WWOX: variants seen among roughly 807,000 people sequenced by gnomAD.
The protein encoded by WWOX is WW domain-containing oxidoreductase.
In WWOX, 69 loss-of-function variants were observed where a neutral mutation model predicts 46.2. The ratio of observed to expected loss-of-function variants is 1.49; its 90% CI spans 1.23 to 1.82. The LOEUF is 1.82. Ranked by LOEUF, WWOX falls within the 40% of genes most tolerant of loss-of-function variation. The pLI is 0.00. For missense variants in WWOX, 919 were observed against 542.6 expected, an observed-to-expected ratio of 1.69 and a Z score of -6.89; for synonymous variants, 359 against 202.6, an observed-to-expected ratio of 1.77 and a Z score of -6.56.
chr16:78,637,853 C>T (rs1160241637), intron 8 of WWOX, among the ~76,000 whole-genome samples: 2 of 152,120 alleles, frequency 1.3e-5, no homozygotes, highest in Non-Finnish European at 2.9e-5. Context: ...CACTTTCCAG[C>T]CTTTGGGAAC....
At chr16:78,975,403 C>G (rs1289261705) in intron 8 of WWOX, among the ~76,000 whole-genome samples, 1 of 151,714 alleles carries the variant, frequency 6.6e-6, no homozygotes, top group African/African-American at 2.4e-5. Context: ...CTTACGTGGT[C>G]CTGGATGAAA....
At chr16:78,679,450 C>G (rs2063680007) in intron 8 of WWOX, among the ~76,000 whole-genome samples, 1 of 152,146 alleles carries the variant, frequency 6.6e-6, no homozygotes, top group Admixed American at 6.5e-5. Context: ...ACTTGTGAGG[C>G]TGAGGCAGGA....
chr16:79,088,431 G>C (rs1017427073), intron 8 of WWOX, among the ~76,000 whole-genome samples: 2 of 152,210 alleles, frequency 1.3e-5, no homozygotes, highest in African/African-American at 4.8e-5. Context: ...GTCTGGCCCT[G>C]AGCCGTGGGC....
intron 6 of WWOX, among the ~76,000 whole-genome samples, chr16:78,410,664 G>C (rs1407143765): frequency 1.3e-5 from 2 of 151,824 alleles, no homozygotes; most frequent in Admixed American, 1.3e-4. Flanking sequence ...AAATTAGTTG[G>C]GCATGGTGGC....
In WWOX at chr16:79,020,408, C is replaced by T. The variant is rs76109049; in HGVS notation, c.1057-191200C>T. On this transcript the variant is annotated intron_variant, in intron 8 of 8. Coordinates refer to ENST00000566780, the MANE Select transcript of WWOX (RefSeq NM_016373.4). ...GCTATAATAGCTGTATCACCATGAGCGATAACTTAACCTCTTTGTGGCTCA... is the reference window on the plus strand; with the variant it reads ...GCTATAATAGCTGTATCACCATGAGTGATAACTTAACCTCTTTGTGGCTCA... 6.0e-3 allele frequency among the ~76,000 whole-genome samples: 915 copies of T among 152,156 alleles called. 3 individuals carry two copies. The highest frequency in any genetic ancestry group is 0.019 in the African/African-American group (799 of 41,508).
intron 5 of WWOX, among the ~76,000 whole-genome samples, chr16:78,284,095 G>T (rs779882601): frequency 6.6e-6 from 1 of 152,214 alleles, no homozygotes; most frequent in Non-Finnish European, 1.5e-5. Context: ...ACCATTGCGT[G>T]TAGGAGGGGT....
At chr16:79,053,562 A>C (rs983832466) in intron 8 of WWOX, among the ~76,000 whole-genome samples, 4 of 152,198 alleles carry the variant, frequency 2.6e-5, no homozygotes, top group Non-Finnish European at 5.9e-5. Flanking sequence ...TAATCTTTTT[A>C]ATATTAGAAT....
At chr16:78,793,531 G>C (rs960899393) in intron 8 of WWOX, among the ~76,000 whole-genome samples, 1 of 152,114 alleles carries the variant, frequency 6.6e-6, no homozygotes, top group Non-Finnish European at 1.5e-5. Context: ...CAGGTCATTA[G>C]CTCATAATGA....
chr16:78,917,886 T>C (rs530793658), intron 8 of WWOX, among the ~76,000 whole-genome samples: 1 of 152,236 alleles, frequency 6.6e-6, no homozygotes, highest in East Asian at 1.9e-4. Context: ...TCTTGTTTTT[T>C]AAAACAAAAA....
chr16:78,181,621 T>C (rs1240038540), intron 5 of WWOX, among the ~76,000 whole-genome samples: 1 of 152,180 alleles, frequency 6.6e-6, no homozygotes, highest in Admixed American at 6.5e-5. Context: ...GGTTCTTTGC[T>C]ATTGACGAAA....
At chr16:78,898,589 A>T (rs983822899) in intron 8 of WWOX, 2 of 152,106 alleles carry the variant, frequency 1.3e-5, no homozygotes, top group Non-Finnish European at 2.9e-5. Flanking sequence ...TGTTTGGGTT[A>T]GTTTAGATAC....
At chr16:78,126,327 A>G (rs1410806592) in intron 4 of WWOX, among the ~76,000 whole-genome samples, 1 of 152,174 alleles carries the variant, frequency 6.6e-6, no homozygotes. Flanking sequence ...TGTTTTGTCA[A>G]ACTGCCCTGG....
intron 8 of WWOX, chr16:79,203,764 G>T (rs955849822): frequency 1.3e-5 from 2 of 152,138 alleles, no homozygotes; most frequent in Non-Finnish European, 2.9e-5. Flanking sequence ...TATTCTTTGC[G>T]CTGTTAGAAC....
intron 8 of WWOX, among the ~76,000 whole-genome samples, chr16:78,941,480 G>A (rs1419826897): frequency 2.0e-5 from 3 of 149,606 alleles, no homozygotes; most frequent in East Asian, 3.9e-4. Context: ...TTTTTTGTCA[G>A]TAGAGGGTGA....
At chr16:78,331,299 G>T (rs1028502899) in intron 5 of WWOX, among the ~76,000 whole-genome samples, 1 of 152,168 alleles carries the variant, frequency 6.6e-6, no homozygotes, top group Non-Finnish European at 1.5e-5. Flanking sequence ...CAAAATGATA[G>T]TTAAGGATGA....
At position 78,494,991 on chromosome 16, in the gene WWOX, C is replaced by T. The variant is rs989635120; in HGVS notation, c.1056+62239C>T. Among the ~76,000 whole-genome samples, 7 of 152,176 alleles carry T rather than the reference C, an allele frequency of 4.6e-5. No homozygotes were observed. The East Asian group carries it at 5.8e-4, about 13-fold the overall frequency. The stretch of plus-strand genomic sequence containing the variant: ...TGAGTGGAGGTTTCTTATGCTGTGG[C>T]GAAACCCAGGGGGTCAAGCCCCTCG... On this transcript the variant is annotated intron_variant, in intron 8 of 8. Transcript: ENST00000566780.
At chr16:78,622,038 G>A (rs751945705) in intron 8 of WWOX, among the ~76,000 whole-genome samples, 1 of 152,180 alleles carries the variant, frequency 6.6e-6, no homozygotes, top group Non-Finnish European at 1.5e-5. Context: ...TGGCTACCCA[G>A]TTGTTAGCTG....
At chr16:78,772,766 C>T (rs924408443) in intron 8 of WWOX, among the ~76,000 whole-genome samples, 4 of 152,156 alleles carry the variant, frequency 2.6e-5, no homozygotes, top group African/African-American at 9.7e-5. Flanking sequence ...CACCTGTAAT[C>T]TCAGCGCTTT....
chr16:78,822,520 C>G (rs1016021280), intron 8 of WWOX, among the ~76,000 whole-genome samples: 2 of 151,926 alleles, frequency 1.3e-5, no homozygotes, highest in African/African-American at 2.4e-5. Flanking sequence ...CAAAAACAAA[C>G]AAAAATCTAC....
Sources: allele counts gnomAD v4.1 joint callset (sites outside exome capture counted in the v4.1 genomes callset), GRCh38; gene constraint gnomAD v4.1.1; transcripts MANE v1.5; gene names NCBI Gene and HGNC (gene_info 2026-07-23, HGNC 2026-07-21).